Variants in ITPR1 observed in about 807,000 individuals in gnomAD.
ITPR1 encodes inositol 1,4,5-trisphosphate receptor type 1.
ITPR1 carries 96 observed loss-of-function variants against 318.4 expected under a neutral mutation model. The ratio of observed to expected loss-of-function variants is 0.30; its 90% CI spans 0.26 to 0.36. The LOEUF (loss-of-function observed/expected upper bound fraction) is 0.36, where lower values mean the gene tolerates loss of function less well. ITPR1 is among the 10% of genes least tolerant of loss of function. The pLI, the probability that ITPR1 is intolerant of heterozygous loss-of-function variation, is 1.00. For missense variants in ITPR1, 2,440 were observed against 3,460.2 expected (o/e 0.71, Z 7.40); for synonymous variants, 1,312 against 1,289.9 (o/e 1.02, Z -0.37).
At position 4,806,350 on chromosome 3, in the gene ITPR1, C is replaced by T. The variant is rs1029080692; in HGVS notation, c.7272+83C>T. ...TCCTCTCTCTCATCACAGACCCTTC[C>T]TTTTAATGGTGATTGGTGTGCCTGG... On this transcript the variant is annotated intron_variant, in intron 55 of 61. Coordinates refer to ENST00000649015, the MANE Select transcript of ITPR1 (RefSeq NM_001378452.1). 35 of 1,325,176 alleles carry T rather than the reference C, an allele frequency of 2.6e-5. 2 individuals are homozygous for T. In the South Asian group the frequency reaches 4.1e-4, roughly 16 times the overall value. 82.1% of individuals were successfully genotyped at this position (1,325,176 alleles called of 1,614,324 possible).
chr3:4,569,472 G>A (rs73807295), intron 4 of ITPR1, among the ~76,000 whole-genome samples: 3,705 of 152,152 alleles, frequency 0.024, 156 homozygotes, highest in African/African-American at 0.084. Flanking sequence ...AATATTGAGC[G>A]TCAACAAACA....
intron 60 of ITPR1, among the ~76,000 whole-genome samples, chr3:4,831,931 C>T (rs2050545954): frequency 6.6e-6 from 1 of 152,224 alleles, no homozygotes. Context: ...GAGGGGGACC[C>T]TGTTGGTGGG....
chr3:4,791,468 T>G lies in ITPR1; in HGVS notation c.6808+3329T>G, dbSNP rs542235838. On this transcript the variant is annotated intron_variant, in intron 52 of 61. Coordinates refer to ENST00000649015, the MANE Select transcript of ITPR1 (RefSeq NM_001378452.1). ...GTTCACAATAGGGTTCACACTCCTG[T>G]GAGCATCTGATGCCCTTGCTGATGT... Among the ~76,000 whole-genome samples the G allele has an allele frequency of 2.6e-5, 4 of 152,330 alleles. No homozygotes were observed. In the East Asian group the frequency reaches 7.7e-4, roughly 29 times the overall value.
At chr3:4,691,979 C>T (rs762069639) in intron 32 of ITPR1, among the ~76,000 whole-genome samples, 34 of 151,892 alleles carry the variant, frequency 2.2e-4, no homozygotes, top group Non-Finnish European at 3.4e-4. Flanking sequence ...TAGTAAGACC[C>T]TTGTTTCTAC....
intron 13 of ITPR1, 68 bp from the exon 14 acceptor site, chr3:4,660,920 C>T: frequency 1.4e-6 from 1 of 730,524 alleles, no homozygotes; most frequent in Non-Finnish European, 2.2e-6. Flanking sequence ...AGATTATATT[C>T]TAGACTAGGG....
intron 4 of ITPR1, among the ~76,000 whole-genome samples, chr3:4,551,888 A>G (rs2085604662): frequency 6.6e-6 from 1 of 152,248 alleles, no homozygotes; most frequent in Admixed American, 6.5e-5. Context: ...CCCTACTCTC[A>G]AATGAGTTAA....
intron 12 of ITPR1, among the ~76,000 whole-genome samples, chr3:4,657,193 G>T (rs907609805): frequency 3.3e-5 from 5 of 152,092 alleles, no homozygotes; most frequent in African/African-American, 1.2e-4. Flanking sequence ...TTTTGGCTGC[G>T]TTGGGGTTGC....
rs994446870 is a variant in ITPR1 at position 4,524,347 on chromosome 3, C to G, written c.163+3253C>G. ...TTTTTTTAAATGAAGAGAAAGATCT[C>G]TCTTTTGGAAGCAATTGCTGCGTTT... On this transcript the variant is annotated intron_variant, in intron 4 of 61. Coordinates refer to ENST00000649015, the MANE Select transcript of ITPR1 (RefSeq NM_001378452.1). Among the ~76,000 whole-genome samples, 7 of 87,510 alleles carry G rather than the reference C, an allele frequency of 8.0e-5. 1 individual carries two copies. The highest frequency in any genetic ancestry group is 1.6e-4 in the Admixed American group (1 of 6,320). 57.4% of individuals were successfully genotyped at this position (87,510 alleles called of 152,430 possible).
chr3:4,778,623 C>T (rs2046627020), intron 48 of ITPR1, among the ~76,000 whole-genome samples: 1 of 152,088 alleles, frequency 6.6e-6, no homozygotes, highest in African/African-American at 2.4e-5. Flanking sequence ...TGAATTTTAA[C>T]AGATTCAACC....
At chr3:4,766,818 A>G in intron 45 of ITPR1, 108 bp downstream of exon 45, 1 of 854,384 alleles carries the variant, frequency 1.2e-6, no homozygotes, top group Non-Finnish European at 1.7e-6. Context: ...TTATGATGGG[A>G]GCTTTCAGAA....
Position 4,821,574 on chromosome 3 carries a change from G to A in ITPR1, c.8028+3332G>A, listed in dbSNP as rs547233620. Among the ~76,000 whole-genome samples the A allele has an allele frequency of 5.3e-5, 8 of 152,352 alleles. No homozygotes were observed. The East Asian group carries it at 9.7e-4, about 18-fold the overall frequency. On this transcript the variant is annotated intron_variant, in intron 60 of 61. Coordinates refer to ENST00000649015, the MANE Select transcript of ITPR1 (RefSeq NM_001378452.1). Reference sequence around the variant, plus strand: ...TGACTTGGAAAGAATGACATTTGACGAGTCATGAATGAAAGAGGTGTCTGT... The same window carrying A: ...TGACTTGGAAAGAATGACATTTGACAAGTCATGAATGAAAGAGGTGTCTGT...
At chr3:4,705,818 G>A (rs558592778) in intron 36 of ITPR1, among the ~76,000 whole-genome samples, 2 of 152,254 alleles carry the variant, frequency 1.3e-5, no homozygotes, top group South Asian at 4.2e-4. Context: ...TTGGCCAAAC[G>A]AGTTCCCTGT....
chr3:4,680,474 C>A, intron 24 of ITPR1, 79 bp from the exon 25 acceptor site: 4 of 1,312,494 alleles, frequency 3.0e-6, no homozygotes, highest in Non-Finnish European at 3.3e-6. Flanking sequence ...CCAGGCCCCG[C>A]CAGTGTGTGG....
chr3:4,667,329 A>G (rs569635648), intron 17 of ITPR1, 48 bp from the exon 18 acceptor site: 8 of 1,426,648 alleles, frequency 5.6e-6, no homozygotes, highest in South Asian at 1.3e-5. Context: ...GCTTAACCAT[A>G]TTGTCATTTA....
chr3:4,751,305 G>T (rs961013235), intron 44 of ITPR1: 6 of 152,004 alleles, frequency 3.9e-5, no homozygotes, highest in African/African-American at 1.2e-4. Context: ...AAAAAAAAAT[G>T]CTGCCCCATC....
intron 40 of ITPR1, 62 bp downstream of exon 40, chr3:4,717,461 C>A: frequency 7.6e-7 from 1 of 1,307,956 alleles, no homozygotes; most frequent in Non-Finnish European, 1.1e-6. Context: ...GACACCTTCC[C>A]AGTTAGCCCT....
rs565523822 is a variant in ITPR1, at chr3:4,628,696, A to T, written c.279+818A>T. 2.0e-5 allele frequency among the ~76,000 whole-genome samples: 3 copies of T among 152,086 alleles called. No homozygotes were observed. In the East Asian group the frequency reaches 5.8e-4, roughly 29 times the overall value. ...GGCTGCCTCCCTCCTCTGGCATGTG[A>T]GTTTCTTGAGGGCCCAGGTCTGTGT... On this transcript the variant is annotated intron_variant, in intron 5 of 61. Transcript: ENST00000649015.
chr3:4,706,909 C>T (rs764439127), intron 37 of ITPR1, among the ~76,000 whole-genome samples: 7 of 152,160 alleles, frequency 4.6e-5, no homozygotes, highest in Non-Finnish European at 8.8e-5. Flanking sequence ...TTAACATTAA[C>T]GTATTTTTTA....
At chr3:4,723,915 C>T (rs888688032) in intron 40 of ITPR1, among the ~76,000 whole-genome samples, 6 of 152,110 alleles carry the variant, frequency 3.9e-5, no homozygotes, top group African/African-American at 4.8e-5. Context: ...CTCATATGTT[C>T]TTTTTGCACT....
Sources: allele counts gnomAD v4.1 joint callset (sites outside exome capture counted in the v4.1 genomes callset), GRCh38; gene constraint gnomAD v4.1.1; transcripts MANE v1.5; gene names NCBI Gene and HGNC (gene_info 2026-07-23, HGNC 2026-07-21).